Variants in DNAH5 observed in about 807,000 individuals in gnomAD.
DNAH5 encodes axonemal beta dynein heavy chain 5.
In DNAH5, 372 loss-of-function variants were observed where a neutral mutation model predicts 518.2. The ratio of observed to expected loss-of-function variants is 0.72; its 90% CI spans 0.66 to 0.78. The LOEUF (loss-of-function observed/expected upper bound fraction) is 0.78, where lower values mean the gene tolerates loss of function less well. DNAH5 is among the 30% of genes least tolerant of loss of function. DNAH5 has a pLI of 0.00. For missense variants in DNAH5, 5,523 were observed against 5,687.0 expected, an observed-to-expected ratio of 0.97 and a Z score of 0.93; for synonymous variants, 2,039 against 2,025.9, an observed-to-expected ratio of 1.01 and a Z score of -0.17.
At chr5:13,869,010 G>T (rs899082519) in intron 24 of DNAH5, among the ~76,000 whole-genome samples, 8 of 152,170 alleles carry the variant, frequency 5.3e-5, no homozygotes, top group Admixed American at 2.6e-4. Context: ...CTAGGTGGGA[G>T]AAAATAGGAT....
At chr5:13,765,658 A>C (rs1405951760) in intron 59 of DNAH5, among the ~76,000 whole-genome samples, 1 of 152,206 alleles carries the variant, frequency 6.6e-6, no homozygotes, top group Non-Finnish European at 1.5e-5. Flanking sequence ...AATTAATACT[A>C]AAAAATTACT....
intron 1 of DNAH5, among the ~76,000 whole-genome samples, chr5:13,987,851 A>T (rs925147308): frequency 2.0e-5 from 3 of 152,006 alleles, no homozygotes; most frequent in Admixed American, 2.0e-4. Context: ...AAAAAAAAAA[A>T]AACAATTTAA....
intron 1 of DNAH5, among the ~76,000 whole-genome samples, chr5:13,955,956 G>C (rs1188151913): frequency 6.6e-6 from 1 of 152,084 alleles, no homozygotes; most frequent in East Asian, 1.9e-4. Flanking sequence ...TCCTTGCCAA[G>C]AGCGTGCAAC....
intron 59 of DNAH5, among the ~76,000 whole-genome samples, chr5:13,764,684 C>T (rs530554221): frequency 1.9e-4 from 29 of 152,170 alleles, no homozygotes; most frequent in African/African-American, 5.8e-4. Context: ...CCCAGAAATT[C>T]CACTCCTGAG....
At chr5:13,968,836 T>C (rs375649282) in intron 1 of DNAH5, among the ~76,000 whole-genome samples, 5 of 152,246 alleles carry the variant, frequency 3.3e-5, no homozygotes, top group African/African-American at 1.2e-4. Context: ...TATAGAATGA[T>C]TTAGGGAGGA....
intron 1 of DNAH5, among the ~76,000 whole-genome samples, chr5:14,000,848 T>C (rs141241190): frequency 0.023 from 3,440 of 152,258 alleles, 60 homozygotes; most frequent in South Asian, 0.045. Flanking sequence ...CACTGGTATG[T>C]TCATTGCAGC....
At position 13,981,937 on chromosome 5, in the gene DNAH5, G is replaced by T. The variant is rs375972679; in HGVS notation, c.12+29711C>A. Among the ~76,000 whole-genome samples, 4 of 152,282 alleles carry T rather than the reference G, an allele frequency of 2.6e-5. No individual in the cohort carries two copies. In the East Asian group the frequency reaches 5.8e-4, roughly 22 times the overall value. On this transcript the variant is annotated intron_variant, in intron 1 of 78. Transcript: ENST00000681290. ...GGCTCTAATCATAACTGAAACACAA[G>T]GCGTAAGCTTTACATCCTTGTCAGC...
Position 13,751,083 on chromosome 5 carries a change from T to C in DNAH5, c.11206A>G (p.Lys3736Glu). ...GGGAGCCACACTTCACTCACCTGCT[T>C]CTCTGTGAGAATGACCCTCCCCAGT... ...QLLGRVILTE[K>E]QELEKERTHL... The change falls in exon 65 of 79, where the codon AAG (lysine) becomes GAG (glutamate). Residue 3736 changes from lysine to glutamate, a missense_variant. By Grantham distance (56) the Lys-to-Glu change is moderately conservative. Transcript: ENST00000265104. 6.2e-7 allele frequency: 1 copy of C among 1,613,914 alleles called. No homozygotes were observed. The highest frequency in any genetic ancestry group is 8.5e-7 in the Non-Finnish European group (1 of 1,179,874).
At chr5:13,723,305 G>A (rs1745298922) in intron 70 of DNAH5, among the ~76,000 whole-genome samples, 2 of 152,206 alleles carry the variant, frequency 1.3e-5, no homozygotes, top group African/African-American at 4.8e-5. Flanking sequence ...CTGAAGCAGG[G>A]AGTCCTGTGA....
At chr5:13,869,904 G>C (rs559167411) in intron 24 of DNAH5, among the ~76,000 whole-genome samples, 1 of 152,244 alleles carries the variant, frequency 6.6e-6, no homozygotes, top group African/African-American at 2.4e-5. Context: ...TCCTTAGAAA[G>C]AGATGATGTT....
chr5:13,924,750 T>G (rs76044634), intron 3 of DNAH5, among the ~76,000 whole-genome samples: 2,297 of 152,078 alleles, frequency 0.015, 57 homozygotes, highest in African/African-American at 0.053. Flanking sequence ...CTGTGTAAAG[T>G]CCTTAGAAAA....
intron 65 of DNAH5, among the ~76,000 whole-genome samples, chr5:13,749,795 C>T (rs778641716): frequency 5.9e-5 from 9 of 152,142 alleles, no homozygotes; most frequent in African/African-American, 9.7e-5. Flanking sequence ...ATCCCAGTCC[C>T]GCCTGAAGTA....
chr5:13,710,558 C>T (rs998420741), intron 75 of DNAH5, among the ~76,000 whole-genome samples: 1 of 152,112 alleles, frequency 6.6e-6, no homozygotes, highest in East Asian at 1.9e-4. Context: ...AAAGCTGGTT[C>T]TTTGAAAAGA....
At position 13,917,790 on chromosome 5, in the gene DNAH5, G is replaced by A. The variant is rs531379232; in HGVS notation, c.976-534C>T. On this transcript the variant is annotated intron_variant, in intron 7 of 78. Coordinates refer to ENST00000265104, the MANE Select transcript of DNAH5 (RefSeq NM_001369.3). ...GTCAGTACATTCCATTGACTTCACG[G>A]AAGTCTGACTGATAGTATTTCTGAA... is the stretch of plus-strand genomic sequence containing the variant. Among the ~76,000 whole-genome samples, 4 of 152,340 alleles carry A rather than the reference G, an allele frequency of 2.6e-5. No individual in the cohort carries two copies. In the South Asian group the frequency reaches 8.3e-4, roughly 32 times the overall value.
intron 70 of DNAH5, among the ~76,000 whole-genome samples, 165 bp from the exon 71 acceptor site, chr5:13,721,410 T>C (rs1318315742): frequency 6.6e-6 from 1 of 152,148 alleles, no homozygotes; most frequent in African/African-American, 2.4e-5. Flanking sequence ...TTTGTTTATA[T>C]CTCCATTCTA....
At chr5:13,870,165 G>C (rs1769877653) in intron 24 of DNAH5, among the ~76,000 whole-genome samples, 1 of 152,140 alleles carries the variant, frequency 6.6e-6, no homozygotes, top group African/African-American at 2.4e-5. Context: ...GTGAGGAGTA[G>C]GAGCCATAGT....
intron 12 of DNAH5, among the ~76,000 whole-genome samples, chr5:13,910,686 G>A (rs936155460): frequency 1.3e-5 from 2 of 151,884 alleles, no homozygotes; most frequent in Admixed American, 6.6e-5. Context: ...AACATTCCCC[G>A]TGACCCAGTG....
intron 10 of DNAH5, 78 bp from the exon 11 acceptor site, chr5:13,914,036 C>T: frequency 1.3e-6 from 2 of 1,517,762 alleles, no homozygotes; most frequent in Non-Finnish European, 1.8e-6. Flanking sequence ...AAGGCGACAG[C>T]AAAATTAGGA....
chr5:13,936,364 C>G (rs937734674), intron 1 of DNAH5, among the ~76,000 whole-genome samples: 1 of 152,116 alleles, frequency 6.6e-6, no homozygotes, highest in African/African-American at 2.4e-5. Flanking sequence ...AATGAATACC[C>G]CAAAAAGCTC....
Sources: gnomAD v4.1 joint callset for allele counts (sites outside exome capture counted in the v4.1 genomes callset) on GRCh38, gnomAD v4.1.1 for gene constraint, MANE v1.5 for transcripts, NCBI Gene and HGNC (gene_info 2026-07-23, HGNC 2026-07-21) for gene names.